The following FHIT variants were observed in gnomAD, a reference collection of about 807,000 sequenced individuals.
The protein encoded by FHIT is fragile histidine triad diadenosine triphosphatase.
FHIT carries 19 observed loss-of-function variants against 17.9 expected under a neutral mutation model. The observed-to-expected ratio is 1.06, with a 90% CI of 0.74 to 1.56. The LOEUF (loss-of-function observed/expected upper bound fraction) is 1.56. Ranked by LOEUF, FHIT falls within the 40% of genes most tolerant of loss-of-function variation. The probability of loss-of-function intolerance (pLI) is 0.00; values close to 1 mark genes in which losing one functional copy is unlikely to be tolerated. For synonymous variants in FHIT, 81 were observed against 69.7 expected (o/e 1.16, Z -0.81); for missense variants, 248 against 189.2 (o/e 1.31, Z -1.82).
At chr3:60,216,111 T>C (rs1703685688) in intron 5 of FHIT, among the ~76,000 whole-genome samples, 1 of 152,178 alleles carries the variant, frequency 6.6e-6, no homozygotes, top group Non-Finnish European at 1.5e-5. Flanking sequence ...TGAAACTGTA[T>C]TTCAGAATGC....
intron 5 of FHIT, among the ~76,000 whole-genome samples, chr3:60,450,890 A>G (rs111550668): frequency 1.1e-4 from 17 of 152,306 alleles, no homozygotes; most frequent in African/African-American, 4.1e-4. Flanking sequence ...CCAGGTCCAT[A>G]TAGAGAATAA....
chr3:60,621,035 T>C (rs72889652), intron 4 of FHIT, among the ~76,000 whole-genome samples: 2,065 of 152,112 alleles, frequency 0.014, 58 homozygotes, highest in African/African-American at 0.048. Flanking sequence ...CACTCAGAAG[T>C]ATCCAGACTA....
intron 5 of FHIT, among the ~76,000 whole-genome samples, chr3:60,113,797 C>A (rs11708267): frequency 0.097 from 14,539 of 149,332 alleles, 1,403 homozygotes; most frequent in East Asian, 0.43. Context: ...GTGAGGAGAT[C>A]GAGACCATCC....
In FHIT at chr3:61,023,321, C is replaced by T. The variant is rs576521800; in HGVS notation, c.-111+18726G>A. Among the ~76,000 whole-genome samples the T allele has an allele frequency of 6.6e-5, 10 of 152,196 alleles. No individual in the cohort carries two copies. The South Asian group carries it at 2.1e-3, about 32-fold the overall frequency. On this transcript the variant is annotated intron_variant, in intron 3 of 9. Coordinates refer to ENST00000492590, the MANE Select transcript of FHIT (RefSeq NM_002012.4). ...GGACCTCTTCAAGGAGAACTACAAA[C>T]CACTGCTCAAGGAAATAAGAGAGGA...
At chr3:60,372,763 C>T (rs1175541562) in intron 5 of FHIT, among the ~76,000 whole-genome samples, 2 of 152,166 alleles carry the variant, frequency 1.3e-5, no homozygotes, top group East Asian at 3.9e-4. Context: ...TTATCTATGG[C>T]TCCTACTTTC....
At chr3:60,301,827 T>C (rs1443281448) in intron 5 of FHIT, among the ~76,000 whole-genome samples, 1 of 152,162 alleles carries the variant, frequency 6.6e-6, no homozygotes, top group Non-Finnish European at 1.5e-5. Flanking sequence ...ATTACTCTTA[T>C]TTTTCTGTAA....
chr3:60,708,472 T>C (rs1735462), intron 4 of FHIT, among the ~76,000 whole-genome samples: 145,418 of 152,304 alleles, frequency 0.95, 69,541 homozygotes, highest in East Asian at 1. Context: ...TTTACCATCA[T>C]TGGTTTTCAT....
chr3:61,036,695 T>A (rs985547508), intron 3 of FHIT, among the ~76,000 whole-genome samples: 1 of 152,120 alleles, frequency 6.6e-6, no homozygotes, highest in Non-Finnish European at 1.5e-5. Flanking sequence ...TTGGGGAAGT[T>A]TGAGGAGTTT....
intron 5 of FHIT, among the ~76,000 whole-genome samples, chr3:60,112,685 C>T (rs929845839): frequency 6.6e-6 from 1 of 152,118 alleles, no homozygotes; most frequent in East Asian, 1.9e-4. Flanking sequence ...AGTTTTGCAA[C>T]AACTTTAACT....
chr3:60,875,534 C>T (rs1230192181), intron 3 of FHIT, among the ~76,000 whole-genome samples: 1 of 152,048 alleles, frequency 6.6e-6, no homozygotes, highest in African/African-American at 2.4e-5. Flanking sequence ...TTTAATGGGC[C>T]TCTCCCATTT....
chr3:59,947,477 C>G (rs774510779), intron 7 of FHIT, among the ~76,000 whole-genome samples: 1 of 152,012 alleles, frequency 6.6e-6, no homozygotes, highest in African/African-American at 2.4e-5. Context: ...TTTTGTTGAT[C>G]TTTTGTATGG....
At chr3:59,757,958 A>G (rs983311164) in intron 8 of FHIT, among the ~76,000 whole-genome samples, 4 of 152,188 alleles carry the variant, frequency 2.6e-5, no homozygotes, top group Non-Finnish European at 5.9e-5. Flanking sequence ...ACAAAGATAA[A>G]TAAGCCCAAG....
intron 8 of FHIT, among the ~76,000 whole-genome samples, chr3:59,788,086 T>C (rs1346739729): frequency 6.6e-6 from 1 of 152,168 alleles, no homozygotes; most frequent in Non-Finnish European, 1.5e-5. Context: ...AGTCTGCAAA[T>C]TGATGGTAGC....
chr3:60,630,335 A>T (rs1174210527), intron 4 of FHIT, among the ~76,000 whole-genome samples: 3 of 152,250 alleles, frequency 2.0e-5, no homozygotes, highest in Admixed American at 1.3e-4. Context: ...GATTTTGAAT[A>T]ATCAGCCTCT....
chr3:60,390,579 A>T (rs935106803), intron 5 of FHIT, among the ~76,000 whole-genome samples: 2 of 152,238 alleles, frequency 1.3e-5, no homozygotes, highest in African/African-American at 4.8e-5. Flanking sequence ...ATCACAGAAG[A>T]TGACAGTTCC....
intron 3 of FHIT, among the ~76,000 whole-genome samples, chr3:60,847,547 G>A (rs1702973214): frequency 6.6e-6 from 1 of 152,056 alleles, no homozygotes; most frequent in Admixed American, 6.5e-5. Flanking sequence ...TCCAAAAAAA[G>A]CATCCCTATC....
At chr3:61,184,900 G>A (rs571158173) in intron 2 of FHIT, among the ~76,000 whole-genome samples, 4 of 152,258 alleles carry the variant, frequency 2.6e-5, no homozygotes, top group East Asian at 1.9e-4. Flanking sequence ...ACTTAGGAGT[G>A]AATCTAAGAA....
intron 3 of FHIT, among the ~76,000 whole-genome samples, chr3:60,920,332 T>C (rs1553768049): frequency 6.6e-6 from 1 of 152,156 alleles, no homozygotes; most frequent in African/African-American, 2.4e-5. Flanking sequence ...AAATTATCAA[T>C]TTAAATTGCA....
chr3:60,694,856 C>A (rs1463177099), intron 4 of FHIT, among the ~76,000 whole-genome samples: 1 of 151,840 alleles, frequency 6.6e-6, no homozygotes, highest in Non-Finnish European at 1.5e-5. Context: ...CAGGTGGGAA[C>A]TGAACAATGA....
Sources: allele counts gnomAD v4.1 joint callset (sites outside exome capture counted in the v4.1 genomes callset), GRCh38; gene constraint gnomAD v4.1.1; transcripts MANE v1.5; gene names NCBI Gene and HGNC (gene_info 2026-07-23, HGNC 2026-07-21).